ANAPC1: variants seen among roughly 807,000 people sequenced by gnomAD.
ANAPC1 encodes the protein anaphase-promoting complex subunit 1.
Under a neutral mutation model 208.0 loss-of-function variants are expected in ANAPC1, and 36 were observed. That is an observed-to-expected ratio of 0.17 (90% confidence interval 0.13 to 0.23). The LOEUF is 0.23. ANAPC1 is among the 10% of genes least tolerant of loss of function. The pLI, the probability that ANAPC1 is intolerant of heterozygous loss-of-function variation, is 1.00. For missense variants in ANAPC1, 942 were observed against 2,011.6 expected, an observed-to-expected ratio of 0.47 and a Z score of 10.17; for synonymous variants, 378 against 695.2, an observed-to-expected ratio of 0.54 and a Z score of 7.18.
At chr2:111,766,696 G>T (rs1676481060), downstream of ANAPC1, 1 of 298,688 alleles carries the variant, frequency 3.3e-6, no homozygotes, top group African/African-American at 2.2e-5. Flanking sequence ...CACATGCTCT[G>T]GCTTCTACTC....
intron 47 of ANAPC1, among the ~76,000 whole-genome samples, chr2:111,771,769 C>T (rs1394799215): frequency 1.3e-5 from 2 of 151,230 alleles, no homozygotes; most frequent in African/African-American, 2.4e-5. Context: ...CAATCTTTGC[C>T]CTTATCAAAA....
At chr2:111,826,433 T>C (rs1679835756) in intron 21 of ANAPC1, among the ~76,000 whole-genome samples, 1 of 152,210 alleles carries the variant, frequency 6.6e-6, no homozygotes, top group Admixed American at 6.5e-5. Context: ...TCCTACAATA[T>C]CATGTAAATC....
Position 111,847,191 on chromosome 2 carries a change from C to T in ANAPC1, c.1799G>A (p.Ser600Asn), listed in dbSNP as rs1165122626. Residue 600 changes from serine to asparagine, a missense_variant, in exon 16 of 48, where the codon AGT (serine) becomes AAT (asparagine). Transcript: ENST00000341068. ...PVHNRVTLEL[S>N]NGSMVRITIP... ...AGTGATCCTAACCATGGAGCCATTA[C>T]TCAGTTCCTAGATGGAAACAAATGA... The T allele has an allele frequency of 5.0e-6, 8 of 1,610,104 alleles. No individual in the cohort carries two copies. The highest frequency in any genetic ancestry group is 6.8e-6 in the Non-Finnish European group (8 of 1,178,816).
At chr2:111,835,649 T>G (rs527955336) in intron 18 of ANAPC1, among the ~76,000 whole-genome samples, 68 of 152,116 alleles carry the variant, frequency 4.5e-4, no homozygotes, top group African/African-American at 1.6e-3. Flanking sequence ...CCTTCCTGGC[T>G]AACACGGTGG....
intron 19 of ANAPC1, among the ~76,000 whole-genome samples, chr2:111,834,220 T>C (rs1375323515): frequency 3.9e-5 from 6 of 152,202 alleles, no homozygotes; most frequent in African/African-American, 4.8e-5. Context: ...GTTTGAGACT[T>C]TACATGTAAA....
Position 111,856,598 on chromosome 2 carries a change from G to A in ANAPC1, c.1515+16C>T, listed in dbSNP as rs1453297372. ...TGAAGTCCTACTAAAGGCATGAAGT[G>A]CTACTTATTGCTTACCCGAACCACT... On this transcript the variant is annotated intron_variant, in intron 13 of 47. Coordinates refer to ENST00000341068, the MANE Select transcript of ANAPC1 (RefSeq NM_022662.4). 5 of 1,607,688 alleles carry A rather than the reference G, an allele frequency of 3.1e-6. No homozygotes were observed. Among genetic ancestry groups the A allele is most frequent in the Admixed American group, 1.7e-5 (1 of 59,968 alleles).
Position 111,868,106 on chromosome 2 carries a change from A to G in ANAPC1, c.612-10T>C. The G allele has an allele frequency of 6.4e-7, 1 of 1,570,882 alleles. No individual in the cohort carries two copies. Among genetic ancestry groups the G allele is most frequent in the Non-Finnish European group, 8.6e-7 (1 of 1,157,640 alleles). On this transcript the variant is annotated splice_polypyrimidine_tract_variant and intron_variant, in intron 6 of 47. Coordinates refer to ENST00000341068, the MANE Select transcript of ANAPC1 (RefSeq NM_022662.4). ...AGTAGGTAAAGGTTCTCTAGCAATA[A>G]ACAAATAATCAATTAATTACCAATA...
intron 11 of ANAPC1, among the ~76,000 whole-genome samples, chr2:111,857,371 G>T (rs1008777012): frequency 6.6e-6 from 1 of 152,160 alleles, no homozygotes; most frequent in Non-Finnish European, 1.5e-5. Flanking sequence ...TTCAAAATAT[G>T]AAGGTAAATA....
intron 17 of ANAPC1, among the ~76,000 whole-genome samples, chr2:111,842,244 A>T (rs1423438804): frequency 3.3e-5 from 5 of 152,390 alleles, no homozygotes; most frequent in Admixed American, 3.3e-4. Flanking sequence ...AGAAGGTAAC[A>T]TCAAAAATAT....
intron 16 of ANAPC1, among the ~76,000 whole-genome samples, chr2:111,846,706 A>G (rs1573452038): frequency 6.6e-6 from 1 of 151,248 alleles, no homozygotes; most frequent in East Asian, 1.9e-4. Context: ...AGTAGCTGAG[A>G]TTACAGAAGT....
chr2:111,770,474 A>C (rs1267476097), intron 47 of ANAPC1, among the ~76,000 whole-genome samples: 1 of 147,262 alleles, frequency 6.8e-6, no homozygotes, highest in Non-Finnish European at 1.5e-5. Flanking sequence ...ATTTAACACA[A>C]TTTTTCAAAA....
chr2:111,824,723 A>C (rs187470655), intron 24 of ANAPC1, among the ~76,000 whole-genome samples: 2 of 152,346 alleles, frequency 1.3e-5, no homozygotes, highest in Admixed American at 1.3e-4. Flanking sequence ...CACAGCCTCA[A>C]ATGTTCCAAT....
chr2:111,789,001 C>T (rs1398666844), intron 38 of ANAPC1, among the ~76,000 whole-genome samples: 3 of 152,236 alleles, frequency 2.0e-5, no homozygotes, highest in Middle Eastern at 3.2e-3. Flanking sequence ...AGCCGGGCGC[C>T]GTGGCGGGCG....
chr2:111,878,799 A>C lies in ANAPC1; in HGVS notation c.375+11T>G. The C allele has an allele frequency of 2.5e-6, 4 of 1,582,746 alleles. No individual in the cohort carries two copies. The highest frequency in any genetic ancestry group is 3.4e-6 in the Non-Finnish European group (4 of 1,172,102). ...ATAGTGAATCAAATGCTAAAATTCA[A>C]ATCAACTCACCTGCTGAACAGGACT... On this transcript the variant is annotated intron_variant, in intron 3 of 47. Transcript: ENST00000341068.
Position 111,834,161 on chromosome 2 carries a change from A to G in ANAPC1, c.2384+443T>C, listed in dbSNP as rs1231079073. On this transcript the variant is annotated intron_variant, in intron 19 of 47. Transcript: ENST00000341068. ...AACTATCAAACACTCGCATCCCAGGAAAGACATTTAGGCAAGTTTCCTCAT... is the reference window on the plus strand; with the variant it reads ...AACTATCAAACACTCGCATCCCAGGGAAGACATTTAGGCAAGTTTCCTCAT... Among the ~76,000 whole-genome samples, 7 of 152,360 alleles carry G rather than the reference A, an allele frequency of 4.6e-5. No individual in the cohort carries two copies. In the East Asian group the frequency reaches 1.2e-3, roughly 25 times the overall value.
At chr2:111,833,790 G>A (rs954083347) in intron 19 of ANAPC1, among the ~76,000 whole-genome samples, 1 of 151,514 alleles carries the variant, frequency 6.6e-6, no homozygotes, top group African/African-American at 2.4e-5. Flanking sequence ...TTTCATGACA[G>A]TAATGACATC....
chr2:111,827,280 A>G (rs2104447922), intron 21 of ANAPC1, among the ~76,000 whole-genome samples: 1 of 152,330 alleles, frequency 6.6e-6, no homozygotes, highest in Non-Finnish European at 1.5e-5. Flanking sequence ...GAGTTAAAAT[A>G]TTCAACATAT....
chr2:111,873,427 A>G lies in ANAPC1; in HGVS notation c.428-19T>C. 2 of 1,600,240 alleles carry G rather than the reference A, an allele frequency of 1.2e-6. No individual in the cohort carries two copies. The highest frequency in any genetic ancestry group is 1.7e-6 in the Non-Finnish European group (2 of 1,175,166). ...TTGCTACCTGAAAAGAAAGGGTACA[A>G]CAAGACTTATGTGTTTTTTCCCTCA... On this transcript the variant is annotated intron_variant, in intron 4 of 47. Transcript: ENST00000341068.
intron 17 of ANAPC1, among the ~76,000 whole-genome samples, chr2:111,839,035 C>A (rs1680624185): frequency 6.6e-6 from 1 of 152,156 alleles, no homozygotes; most frequent in Non-Finnish European, 1.5e-5. Context: ...ACGTCTGCCT[C>A]CTTTGAAGTT....
Sources: gnomAD v4.1 joint callset for allele counts (sites outside exome capture counted in the v4.1 genomes callset) on GRCh38, gnomAD v4.1.1 for gene constraint, MANE v1.5 for transcripts, NCBI Gene and HGNC (gene_info 2026-07-23, HGNC 2026-07-21) for gene names.